PHEX: variants seen among roughly 807,000 people sequenced by gnomAD.
PHEX encodes phosphate regulating endopeptidase X-linked.
A neutral mutation model predicts 68.0 loss-of-function variants in PHEX; 16 were observed. The observed-to-expected ratio is 0.24, with a 90% CI of 0.16 to 0.36. The LOEUF (loss-of-function observed/expected upper bound fraction) is 0.36. PHEX is among the 10% of genes least tolerant of loss of function. The pLI is 1.00. For synonymous variants in PHEX, 208 were observed against 205.1 expected, an observed-to-expected ratio of 1.01 and a Z score of -0.12; for missense variants, 480 against 575.5, an observed-to-expected ratio of 0.83 and a Z score of 1.70.
chrX:22,225,748 T>A (rs755968171), intron 18 of PHEX, among the ~76,000 whole-genome samples: 2 of 112,514 alleles, frequency 1.8e-5, no homozygotes, highest in Non-Finnish European at 3.7e-5. Flanking sequence ...TTGAAGCCTG[T>A]ACAAAAACAA....
intron 12 of PHEX, among the ~76,000 whole-genome samples, chrX:22,137,248 A>G (rs1932271035): frequency 1.8e-5 from 2 of 111,607 alleles, no homozygotes; most frequent in African/African-American, 3.3e-5. Flanking sequence ...ATAGCCAAAA[A>G]GCTGGATCCC....
intron 8 of PHEX, among the ~76,000 whole-genome samples, chrX:22,097,240 T>C (rs1930182121): frequency 8.9e-6 from 1 of 112,616 alleles, no homozygotes; most frequent in East Asian, 2.8e-4. Flanking sequence ...TTTCCAACAG[T>C]GGCTTAGAAA....
chrX:22,154,943 G>A (rs770349138), intron 12 of PHEX, among the ~76,000 whole-genome samples: 4 of 112,160 alleles, frequency 3.6e-5, no homozygotes, highest in African/African-American at 6.5e-5. Flanking sequence ...ACGGGGTCTC[G>A]CTCCGTTGCC....
chrX:22,203,799 G>A (rs765774061), intron 15 of PHEX, among the ~76,000 whole-genome samples: 2 of 112,092 alleles, frequency 1.8e-5, no homozygotes, highest in East Asian at 5.6e-4. Context: ...AGTATAGTGT[G>A]CAAAATTTTA....
At chrX:22,063,725 G>A (rs1171287238) in intron 3 of PHEX, among the ~76,000 whole-genome samples, 5 of 112,229 alleles carry the variant, frequency 4.5e-5, no homozygotes, top group African/African-American at 1.3e-4. Flanking sequence ...CATCTCACCC[G>A]GAGGTTCAGT....
At position 22,045,020 on chromosome X, in the gene PHEX, G is replaced by GT. The variant is rs1193698964; in HGVS notation, c.188-2020dup. 8.2e-3 allele frequency among the ~76,000 whole-genome samples: 848 copies of GT among 102,945 alleles called. 7 individuals carry two copies. Among genetic ancestry groups the GT allele is most frequent in the African/African-American group, 0.027 (751 of 27,792 alleles). The allele number at this position is 102,945 out of a possible 115,157, so 89.4% of individuals were successfully genotyped here. ...GCTTCTAAACCAATTTTTTGCTAGT[G>GT]TTTTTTTTTTGTGTGTGTGTGTGTG... On this transcript the variant is annotated intron_variant, in intron 2 of 21. Transcript: ENST00000379374.
At chrX:22,178,173 C>A in intron 13 of PHEX, 100 bp from the exon 14 acceptor site, 1 of 488,605 alleles carries the variant, frequency 2.0e-6, no homozygotes, top group Non-Finnish European at 3.7e-6. Context: ...GTGACTGATG[C>A]AGCTTCTCTG....
At chrX:22,177,866 T>C (rs1334871139) in intron 13 of PHEX, among the ~76,000 whole-genome samples, 1 of 112,188 alleles carries the variant, frequency 8.9e-6, no homozygotes, top group Non-Finnish European at 1.9e-5. Context: ...AACTGCATGT[T>C]ACTGAAAAAA....
chrX:22,219,625 T>C (rs113936838), intron 17 of PHEX, among the ~76,000 whole-genome samples: 6 of 110,326 alleles, frequency 5.4e-5, no homozygotes, highest in South Asian at 3.9e-4. Context: ...TTATTATTAT[T>C]ATTATCATTA....
Position 22,227,546 on chromosome X carries a change from G to A in PHEX, c.2005G>A (p.Glu669Lys). The change falls in exon 20 of 22, where the codon GAG (glutamate) becomes AAG (lysine). Residue 669 changes from glutamate (E) to lysine (K), a missense_variant. Transcript: ENST00000379374. Reference protein sequence around the residue: ...KWINDRRQGLEEPLLPGITFT... With the variant: ...KWINDRRQGLKEPLLPGITFT... ...GATAAATGACAGAAGGCAGGGACTT[G>A]AGGAGCCTCTTCTACCAGGCATCAC... 1 of 1,209,765 alleles carries A rather than the reference G, an allele frequency of 8.3e-7. No individual in the cohort carries two copies.
chrX:22,135,450 G>T (rs1385559356), intron 12 of PHEX, among the ~76,000 whole-genome samples: 1 of 98,844 alleles, frequency 1.0e-5, no homozygotes, highest in Non-Finnish European at 2.1e-5. Flanking sequence ...AGAGGTGCTT[G>T]CATGAATTAG....
rs190660866 is a variant in PHEX at position 22,208,088 on chromosome X, G to T, written c.1646-4816G>T. ...TGTACACACACACTTATTTCTAAAA[G>T]AATTAATTTTAATTACACAAGTTTA... On this transcript the variant is annotated intron_variant, in intron 15 of 21. Transcript: ENST00000379374. Among the ~76,000 whole-genome samples, 5 of 78,673 alleles carry T rather than the reference G, an allele frequency of 6.4e-5. No individual in the cohort carries two copies. In the East Asian group the frequency reaches 2.3e-3, roughly 36 times the overall value. The allele number at this position is 78,673 out of a possible 115,157, so 68.3% of individuals were successfully genotyped here.
intron 11 of PHEX, among the ~76,000 whole-genome samples, chrX:22,123,632 G>A (rs1931583571): frequency 1.8e-5 from 2 of 110,132 alleles, no homozygotes; most frequent in Admixed American, 1.9e-4. Context: ...AGTGAGGGAG[G>A]TGCCTGGGGG....
Position 22,047,274 on chromosome X carries a change from T to C in PHEX, c.349+63T>C, listed in dbSNP as rs1030483306. 8.9e-5 allele frequency: 86 copies of C among 967,292 alleles called. No homozygotes were observed. The Middle Eastern group carries it at 1.3e-3, about 15-fold the overall frequency. 79.7% of individuals were successfully genotyped at this position (967,292 alleles called of 1,213,427 possible). ...AGAGCAATATTTGACAGGAAAAACATAGTTTGGGATTTGAAGCATGACTTC... is the reference window on the plus strand; with the variant it reads ...AGAGCAATATTTGACAGGAAAAACACAGTTTGGGATTTGAAGCATGACTTC... On this transcript the variant is annotated intron_variant, in intron 3 of 21. Coordinates refer to ENST00000379374, the MANE Select transcript of PHEX (RefSeq NM_000444.6).
At chrX:22,083,945 A>G (rs1209767253) in intron 5 of PHEX, among the ~76,000 whole-genome samples, 2 of 111,721 alleles carry the variant, frequency 1.8e-5, no homozygotes, top group Non-Finnish European at 3.8e-5. Context: ...ATTTTTCACC[A>G]TTCGGTATGA....
At chrX:22,186,923 A>G (rs1054248297) in intron 14 of PHEX, among the ~76,000 whole-genome samples, 2 of 111,972 alleles carry the variant, frequency 1.8e-5, no homozygotes, top group Non-Finnish European at 3.8e-5. Flanking sequence ...AAGAGAAGGG[A>G]CAAGCTCTAG....
At chrX:22,040,410 G>T (rs769454076) in intron 2 of PHEX, among the ~76,000 whole-genome samples, 17 of 111,812 alleles carry the variant, frequency 1.5e-4, no homozygotes, top group Non-Finnish European at 2.8e-4. Flanking sequence ...GGGAGGCTGA[G>T]GCTTGAGCCC....
chrX:22,113,931 T>TTTC (rs1001919912), intron 10 of PHEX, among the ~76,000 whole-genome samples: 2 of 104,310 alleles, frequency 1.9e-5, no homozygotes, highest in African/African-American at 3.4e-5. Context: ...ATCACTTTCT[T>TTTC]TTCTTCTTCT....
chrX:22,082,905 T>A (rs752466763), intron 5 of PHEX, among the ~76,000 whole-genome samples: 1 of 111,881 alleles, frequency 8.9e-6, no homozygotes, highest in Non-Finnish European at 1.9e-5. Context: ...GCCAAAGCAA[T>A]CCTAAGCAAA....
Sources: gnomAD v4.1 joint callset for allele counts (sites outside exome capture counted in the v4.1 genomes callset) on GRCh38, gnomAD v4.1.1 for gene constraint, MANE v1.5 for transcripts, NCBI Gene and HGNC (gene_info 2026-07-23, HGNC 2026-07-21) for gene names.